CAMK2D: variants seen among roughly 807,000 people sequenced by gnomAD.
The protein encoded by CAMK2D is calcium/calmodulin dependent protein kinase II delta.
CAMK2D carries 37 observed loss-of-function variants against 84.0 expected under a neutral mutation model. The observed-to-expected ratio is 0.44, with a 90% CI of 0.34 to 0.58. The LOEUF (loss-of-function observed/expected upper bound fraction) is 0.58. CAMK2D is among the 20% of genes least tolerant of loss of function. The pLI, the probability that CAMK2D is intolerant of heterozygous loss-of-function variation, is 0.02. For synonymous variants in CAMK2D, 202 were observed against 212.5 expected (o/e 0.95, Z 0.43); for missense variants, 448 against 652.5 (o/e 0.69, Z 3.41).
chr4:113,688,910 C>CAAAAAAAAAAA (rs34196728), intron 2 of CAMK2D, among the ~76,000 whole-genome samples: 5 of 49,710 alleles, frequency 1.0e-4, no homozygotes, highest in Admixed American at 2.8e-4. Flanking sequence ...AAAGAAGATG[C>CAAAAAAAAAAA]AAAAAAAAAA....
At chr4:113,698,881 A>G (rs1295434385) in intron 2 of CAMK2D, among the ~76,000 whole-genome samples, 1 of 152,140 alleles carries the variant, frequency 6.6e-6, no homozygotes, top group Non-Finnish European at 1.5e-5. Context: ...TTCACTTTGG[A>G]GAGTGAAATT....
chr4:113,556,286 T>C (rs1427029621), intron 4 of CAMK2D, among the ~76,000 whole-genome samples: 1 of 152,192 alleles, frequency 6.6e-6, no homozygotes, highest in East Asian at 1.9e-4. Context: ...ACTAGCTTTT[T>C]CTTGTCTGTG....
chr4:113,647,393 T>G (rs1162417884), intron 3 of CAMK2D, among the ~76,000 whole-genome samples: 1 of 152,242 alleles, frequency 6.6e-6, no homozygotes, highest in African/African-American at 2.4e-5. Flanking sequence ...CTGCCTACTT[T>G]TTTTATGAAA....
intron 2 of CAMK2D, among the ~76,000 whole-genome samples, chr4:113,738,563 G>A (rs2099586330): frequency 6.6e-6 from 1 of 152,030 alleles, no homozygotes; most frequent in Non-Finnish European, 1.5e-5. Flanking sequence ...CCTCTTTAGT[G>A]GACTCTGGCA....
intron 16 of CAMK2D, among the ~76,000 whole-genome samples, chr4:113,494,741 C>T (rs10024276): frequency 1.3e-5 from 2 of 151,422 alleles, no homozygotes; most frequent in African/African-American, 4.9e-5. Flanking sequence ...CCCCCAGCCT[C>T]GCTGCCGCCT....
chr4:113,649,777 A>T (rs890551068), intron 3 of CAMK2D, among the ~76,000 whole-genome samples: 1 of 152,210 alleles, frequency 6.6e-6, no homozygotes, highest in African/African-American at 2.4e-5. Flanking sequence ...ATCAAGCTTA[A>T]CCATTAGAAA....
rs150282226 is a variant in CAMK2D, at chr4:113,570,038, A to G, written c.276-17942T>C. 1.4e-3 allele frequency among the ~76,000 whole-genome samples: 210 copies of G among 152,338 alleles called. 1 individual carries two copies. Among genetic ancestry groups the G allele is most frequent in the African/African-American group, 4.8e-3 (200 of 41,584 alleles). ...AATCCAGAAAACAATCTAATTCACA[A>G]TAACTACAAAAAGGAATAAATTTGA... On this transcript the variant is annotated intron_variant, in intron 4 of 20. Coordinates refer to ENST00000511664, the MANE Select transcript of CAMK2D (RefSeq NM_001321571.2).
At chr4:113,672,040 T>C (rs1219221837) in intron 2 of CAMK2D, among the ~76,000 whole-genome samples, 32 of 152,194 alleles carry the variant, frequency 2.1e-4, no homozygotes, top group Admixed American at 2.1e-3. Context: ...TTCCTTGTTA[T>C]GCTTATGAAA....
rs141563975 is a variant in CAMK2D at position 113,611,047 on chromosome 4, AACACACACACAC to A, written c.221-1853_221-1842del. 4.7e-5 allele frequency among the ~76,000 whole-genome samples: 7 copies of A among 148,628 alleles called. No individual in the cohort carries two copies. The East Asian group carries it at 5.9e-4, about 13-fold the overall frequency. ...CTATATATATGTTATATATACACAT[AACACACACACAC>A]ACACACACACACACACACAATGTAT... is the stretch of plus-strand genomic sequence containing the variant. On this transcript the variant is annotated intron_variant, in intron 3 of 20. Coordinates refer to ENST00000511664, the MANE Select transcript of CAMK2D (RefSeq NM_001321571.2).
At position 113,451,102 on chromosome 4, in the gene CAMK2D, A is replaced by G. The variant is rs1408748959; in HGVS notation, c.*3443T>C. On this transcript the variant is annotated 3_prime_UTR_variant, in exon 21 of 21. Transcript: ENST00000511664. ...CTGTGTCATCTATGTTTACCCTTAA[A>G]TTATAATTTTTTACATAAAAATTCA... is the stretch of plus-strand genomic sequence containing the variant. 1 of 152,242 alleles carries G rather than the reference A, an allele frequency of 6.6e-6. No homozygotes were observed. The highest frequency in any genetic ancestry group is 1.5e-5 in the Non-Finnish European group (1 of 68,044). 9.4% of individuals were successfully genotyped at this position (152,242 alleles called of 1,614,324 possible).
At chr4:113,706,274 G>A (rs980316361) in intron 2 of CAMK2D, among the ~76,000 whole-genome samples, 2 of 152,110 alleles carry the variant, frequency 1.3e-5, no homozygotes, top group Non-Finnish European at 2.9e-5. Flanking sequence ...AAAAAAGCAT[G>A]TGTGAAAAAC....
intron 8 of CAMK2D, among the ~76,000 whole-genome samples, chr4:113,528,004 C>A (rs2098433737): frequency 1.3e-5 from 2 of 151,844 alleles, no homozygotes; most frequent in South Asian, 4.2e-4. Flanking sequence ...TGAAATCTGT[C>A]CATAATAACA....
rs36009295 is a variant in CAMK2D, at chr4:113,686,861, TACACACACACACAC to T, written c.161-25103_161-25090del. Among the ~76,000 whole-genome samples, 1,482 of 148,724 alleles carry T rather than the reference TACACACACACACAC, an allele frequency of 1.0e-2. 24 individuals carry two copies. Among genetic ancestry groups the T allele is most frequent in the African/African-American group, 0.034 (1,393 of 40,560 alleles). On this transcript the variant is annotated intron_variant, in intron 2 of 20. Transcript: ENST00000511664. ...CTTATTTACAATACAGGTATGTGTA[TACACACACACACAC>T]ACACACACACACACATACACTTCAA...
At chr4:113,669,582 C>T (rs898628685) in intron 2 of CAMK2D, among the ~76,000 whole-genome samples, 2 of 152,206 alleles carry the variant, frequency 1.3e-5, no homozygotes, top group African/African-American at 2.4e-5. Flanking sequence ...CGTAGCTCTA[C>T]CTGACATTAG....
chr4:113,551,312 T>A (rs747097703), intron 5 of CAMK2D, among the ~76,000 whole-genome samples: 1 of 152,192 alleles, frequency 6.6e-6, no homozygotes, highest in Non-Finnish European at 1.5e-5. Context: ...TAAACTTTTG[T>A]AAAGATTTTG....
intron 1 of CAMK2D, among the ~76,000 whole-genome samples, chr4:113,760,012 A>G (rs1317633209): frequency 6.6e-6 from 1 of 152,188 alleles, no homozygotes; most frequent in African/African-American, 2.4e-5. Flanking sequence ...TGTAATTTTT[A>G]TTACTTTTAA....
At position 113,667,192 on chromosome 4, in the gene CAMK2D, A is replaced by C. The variant is rs77611670; in HGVS notation, c.161-5420T>G. Among the ~76,000 whole-genome samples the C allele has an allele frequency of 4.2e-3, 647 of 152,286 alleles. 8 individuals carry two copies. Among genetic ancestry groups the C allele is most frequent in the African/African-American group, 0.015 (625 of 41,546 alleles). ...CATCTGCTTATTACATTTTTTTAAA[A>C]AATCTCTTCATGAGTTATTGCTGTC... On this transcript the variant is annotated intron_variant, in intron 2 of 20. Transcript: ENST00000511664.
At chr4:113,606,615 A>G (rs2154264725) in intron 4 of CAMK2D, among the ~76,000 whole-genome samples, 1 of 152,236 alleles carries the variant, frequency 6.6e-6, no homozygotes, top group Middle Eastern at 3.4e-3. Flanking sequence ...TACAACAAAC[A>G]GAGCCTCAGG....
intron 2 of CAMK2D, among the ~76,000 whole-genome samples, chr4:113,668,843 G>A (rs987255075): frequency 2.0e-5 from 3 of 151,756 alleles, no homozygotes; most frequent in Non-Finnish European, 2.9e-5. Flanking sequence ...AAAATTGTTC[G>A]GTTTTATCTA....
Sources: allele counts gnomAD v4.1 joint callset (sites outside exome capture counted in the v4.1 genomes callset), GRCh38; gene constraint gnomAD v4.1.1; transcripts MANE v1.5; gene names NCBI Gene and HGNC (gene_info 2026-07-23, HGNC 2026-07-21).